The following SLC9A9 variants were observed in gnomAD, a reference collection of about 807,000 sequenced individuals.
SLC9A9 encodes the protein solute carrier family 9 member A9.
SLC9A9 carries 62 observed loss-of-function variants against 77.8 expected under a neutral mutation model. That is an observed-to-expected ratio of 0.80 (90% CI 0.65 to 0.98). The LOEUF is 0.98. SLC9A9 is among the 50% of genes least tolerant of loss of function. The pLI is 0.00. For missense variants in SLC9A9, 775 were observed against 774.9 expected (o/e 1.00, Z 0.00); for synonymous variants, 320 against 283.5 (o/e 1.13, Z -1.29).
intron 14 of SLC9A9, among the ~76,000 whole-genome samples, chr3:143,283,738 C>T (rs1002490575): frequency 5.9e-5 from 9 of 152,172 alleles, no homozygotes; most frequent in Non-Finnish European, 1.2e-4. Context: ...TAAAACCTCC[C>T]TTTGGGGTGA....
chr3:143,525,434 G>T (rs986253857), intron 9 of SLC9A9, among the ~76,000 whole-genome samples: 1 of 152,156 alleles, frequency 6.6e-6, no homozygotes, highest in Non-Finnish European at 1.5e-5. Flanking sequence ...CAGCAACTAA[G>T]TGGCAAGTGT....
chr3:143,685,093 C>T (rs181540389), intron 5 of SLC9A9, among the ~76,000 whole-genome samples: 44 of 151,950 alleles, frequency 2.9e-4, no homozygotes, highest in South Asian at 6.3e-4. Context: ...ACTCAAGCCA[C>T]ATATGTAATT....
intron 7 of SLC9A9, 47 bp from the exon 8 acceptor site, chr3:143,574,240 A>C (rs2037319215): frequency 6.9e-7 from 1 of 1,449,976 alleles, no homozygotes; most frequent in Admixed American, 1.7e-5. Flanking sequence ...TTACAGCTAC[A>C]TCTCCTTCTT....
chr3:143,663,869 G>A (rs2039019803), intron 5 of SLC9A9, among the ~76,000 whole-genome samples: 1 of 152,238 alleles, frequency 6.6e-6, no homozygotes, highest in Admixed American at 6.5e-5. Flanking sequence ...GTACCTGAAA[G>A]TGATGGGGAG....
chr3:143,382,068 G>A lies in SLC9A9; in HGVS notation c.1516C>T (p.Gln506Ter). The A allele has an allele frequency of 6.2e-7, 1 of 1,614,092 alleles. No individual in the cohort carries two copies. The highest frequency in any genetic ancestry group is 8.5e-7 in the Non-Finnish European group (1 of 1,179,988). The change falls in exon 13 of 16, where the codon CAA becomes TAA. Residue 506 changes from glutamine to a stop codon, truncating the protein, a stop_gained. Coordinates refer to ENST00000316549, the MANE Select transcript of SLC9A9 (RefSeq NM_173653.4). LOFTEE classifies it high-confidence loss of function. ...DENLKEDPSSQHQEANNLDKN... is the reference protein window; with the variant it reads ...DENLKEDPSS ...TGGTTTCTTTGACTTGCCTGGTGTT[G>A]TGAGGAGGGGTCCTCCTTCAGATTT... is the stretch of plus-strand genomic sequence containing the variant.
At position 143,265,697 on chromosome 3, in the gene SLC9A9, G is replaced by T. The variant is rs541933072; in HGVS notation, c.*1005C>A. 6 of 413,844 alleles carry T rather than the reference G, an allele frequency of 1.4e-5. No homozygotes were observed. The highest frequency in any genetic ancestry group is 2.5e-5 in the Non-Finnish European group (6 of 236,250). 25.6% of individuals were successfully genotyped at this position (413,844 alleles called of 1,614,324 possible). On this transcript the variant is annotated 3_prime_UTR_variant, in exon 16 of 16. Coordinates refer to ENST00000316549, the MANE Select transcript of SLC9A9 (RefSeq NM_173653.4). ...GCCATGAGCCACGCCTTGTAAGGGG[G>T]AGACCTGAGGCCCTGTCCTTGGCTC...
At chr3:143,355,500 A>T (rs1287652516) in intron 14 of SLC9A9, among the ~76,000 whole-genome samples, 1 of 152,224 alleles carries the variant, frequency 6.6e-6, no homozygotes, top group Non-Finnish European at 1.5e-5. Context: ...AACTTTCCTA[A>T]AATTACATAA....
At chr3:143,383,723 C>T (rs1170397557) in intron 12 of SLC9A9, among the ~76,000 whole-genome samples, 1 of 152,166 alleles carries the variant, frequency 6.6e-6, no homozygotes, top group East Asian at 1.9e-4. Flanking sequence ...CTGGCCCAAG[C>T]TCCACCAGAG....
chr3:143,786,658 T>A (rs2008067328), intron 4 of SLC9A9, among the ~76,000 whole-genome samples: 1 of 152,194 alleles, frequency 6.6e-6, no homozygotes. Flanking sequence ...CACACTGCTA[T>A]GCAGCTTGGG....
At chr3:143,462,006 G>T (rs1273775677) in intron 12 of SLC9A9, among the ~76,000 whole-genome samples, 2 of 152,124 alleles carry the variant, frequency 1.3e-5, no homozygotes, top group African/African-American at 4.8e-5. Context: ...GGGTATAAAT[G>T]ATAAATAAAT....
intron 1 of SLC9A9, chr3:143,847,626 A>G (rs1248033648): frequency 1.3e-5 from 2 of 155,106 alleles, no homozygotes; most frequent in Non-Finnish European, 2.9e-5. Flanking sequence ...TAAGAAAATA[A>G]GACACTGTTC....
chr3:143,786,290 TA>T (rs1470978297), intron 4 of SLC9A9, among the ~76,000 whole-genome samples: 4 of 152,244 alleles, frequency 2.6e-5, no homozygotes, highest in Non-Finnish European at 1.5e-5. Context: ...TTTCTTATGT[TA>T]TTAGGCATTT....
chr3:143,605,259 C>T (rs2037902342), intron 6 of SLC9A9, among the ~76,000 whole-genome samples: 1 of 152,194 alleles, frequency 6.6e-6, no homozygotes. Flanking sequence ...GCCCTTTACA[C>T]ATTTGGTAGG....
At chr3:143,532,490 A>G (rs182475570) in intron 9 of SLC9A9, among the ~76,000 whole-genome samples, 1 of 152,348 alleles carries the variant, frequency 6.6e-6, no homozygotes, top group Non-Finnish European at 1.5e-5. Flanking sequence ...TATACTTCTA[A>G]AAAGATATAC....
intron 4 of SLC9A9, among the ~76,000 whole-genome samples, chr3:143,751,233 T>A (rs975597008): frequency 6.6e-6 from 1 of 152,176 alleles, no homozygotes; most frequent in Non-Finnish European, 1.5e-5. Context: ...TCTGAAGGCA[T>A]CACCTTCTCT....
chr3:143,300,255 C>T (rs2030465595), intron 14 of SLC9A9, among the ~76,000 whole-genome samples: 1 of 152,192 alleles, frequency 6.6e-6, no homozygotes, highest in Admixed American at 6.5e-5. Flanking sequence ...AGAGTATTTG[C>T]ACCTCTATCA....
intron 9 of SLC9A9, chr3:143,518,260 C>A: frequency 6.5e-7 from 1 of 1,535,834 alleles, no homozygotes. Context: ...AGCTCAGGGG[C>A]TGCAGCCCGG....
At chr3:143,399,704 A>G (rs2033808232) in intron 12 of SLC9A9, among the ~76,000 whole-genome samples, 1 of 152,134 alleles carries the variant, frequency 6.6e-6, no homozygotes, top group Non-Finnish European at 1.5e-5. Flanking sequence ...CTAATGTAAC[A>G]CTCAGGCTGT....
At chr3:143,817,370 G>A (rs4839667) in intron 2 of SLC9A9, among the ~76,000 whole-genome samples, 81,427 of 149,732 alleles carry the variant, frequency 0.54, 25,358 homozygotes, top group Non-Finnish European at 0.69. Context: ...GGATGGTCTC[G>A]ATCTCCTGAC....
Sources: gnomAD v4.1 joint callset for allele counts (sites outside exome capture counted in the v4.1 genomes callset) on GRCh38, gnomAD v4.1.1 for gene constraint, MANE v1.5 for transcripts, NCBI Gene and HGNC (gene_info 2026-07-23, HGNC 2026-07-21) for gene names.